Variants in SEL1L2 observed in about 807,000 individuals in gnomAD.
SEL1L2 encodes protein sel-1 homolog 2.
SEL1L2 carries 89 observed loss-of-function variants against 98.8 expected under a neutral mutation model. The ratio of observed to expected loss-of-function variants is 0.90; its 90% CI spans 0.76 to 1.07. The LOEUF is 1.07. Among genes scored for constraint, SEL1L2 ranks in the 50% least tolerant of loss-of-function variants. SEL1L2 has a pLI of 0.00. For synonymous variants in SEL1L2, 262 were observed against 278.5 expected (o/e 0.94, Z 0.59); for missense variants, 788 against 812.0 (o/e 0.97, Z 0.36).
In SEL1L2 at chr20:13,888,467, G is replaced by T; in HGVS notation, c.595C>A (p.Gln199Lys). ...SSYGIGMEYD[Q>K]AKALIYYTFG... ...AACAGAATGATCTTTACCTTAGCTT[G>T]ATCATATTCCATTCCTATTCCATAA... is the stretch of plus-strand genomic sequence containing the variant. Residue 199 changes from glutamine (Q) to lysine (K), a missense_variant, in exon 6 of 20, where the codon CAA becomes AAA. Gln to Lys is a moderately conservative substitution (Grantham distance 53). Coordinates refer to ENST00000284951, the MANE Select transcript of SEL1L2 (RefSeq NM_025229.2). 1.3e-6 allele frequency: 2 copies of T among 1,563,836 alleles called. No individual in the cohort carries two copies. Among genetic ancestry groups the T allele is most frequent in the Non-Finnish European group, 1.7e-6 (2 of 1,142,986 alleles).
chr20:13,881,283 A>T (rs2147944640), intron 10 of SEL1L2, among the ~76,000 whole-genome samples: 1 of 152,276 alleles, frequency 6.6e-6, no homozygotes, highest in African/African-American at 2.4e-5. Context: ...AAGTACTGGG[A>T]TTGCAGGCGT....
intron 5 of SEL1L2, among the ~76,000 whole-genome samples, chr20:13,907,202 TA>T (rs1446439957): frequency 2.6e-5 from 4 of 152,168 alleles, no homozygotes; most frequent in African/African-American, 7.2e-5. Context: ...CTAAGTTAAA[TA>T]TTTTTTTCTG....
intron 11 of SEL1L2, among the ~76,000 whole-genome samples, chr20:13,876,568 C>T (rs1004416723): frequency 1.5e-4 from 23 of 152,244 alleles, no homozygotes; most frequent in African/African-American, 5.3e-4. Context: ...CATGCCTTTC[C>T]AGAGGAACCC....
chr20:13,966,635 G>T (rs1205435966), intron 1 of SEL1L2, among the ~76,000 whole-genome samples: 1 of 151,824 alleles, frequency 6.6e-6, no homozygotes, highest in Non-Finnish European at 1.5e-5. Context: ...ATGATGCTTA[G>T]AAATAGTCAT....
chr20:13,886,647 G>C (rs929294431), intron 8 of SEL1L2, among the ~76,000 whole-genome samples: 8 of 152,114 alleles, frequency 5.3e-5, no homozygotes, highest in African/African-American at 1.9e-4. Context: ...CAGCACTTTG[G>C]GAGGCAGAGG....
rs200962939 is a variant in SEL1L2 at position 13,859,252 on chromosome 20, G to A, written c.1818+10C>T. On this transcript the variant is annotated intron_variant, in intron 18 of 19. Coordinates refer to ENST00000284951, the MANE Select transcript of SEL1L2 (RefSeq NM_025229.2). The stretch of plus-strand genomic sequence containing the variant: ...CATTACTAGGTTTGAATTATTACCA[G>A]CAAAATTACCTTTGTGATGCCTAAG... 3.7e-6 allele frequency: 6 copies of A among 1,612,718 alleles called. No homozygotes were observed. Among genetic ancestry groups the A allele is most frequent in the Admixed American group, 3.3e-5 (2 of 59,942 alleles).
chr20:13,983,669 G>T (rs546811549), intron 1 of SEL1L2, among the ~76,000 whole-genome samples: 37 of 151,842 alleles, frequency 2.4e-4, no homozygotes, highest in Non-Finnish European at 3.8e-4. Context: ...TTACAGGCAT[G>T]CACCACCACG....
At chr20:13,914,060 T>C in intron 4 of SEL1L2, 116 bp from the exon 5 acceptor site, 2 of 876,848 alleles carry the variant, frequency 2.3e-6, no homozygotes, top group Middle Eastern at 2.3e-4. Flanking sequence ...TCATACAGTT[T>C]AGCTGAAGTT....
intron 10 of SEL1L2, among the ~76,000 whole-genome samples, chr20:13,883,122 A>G (rs1568890829): frequency 6.6e-6 from 1 of 152,028 alleles, no homozygotes; most frequent in Non-Finnish European, 1.5e-5. Flanking sequence ...GCCTGGCCTC[A>G]ATTTGTCTTA....
chr20:13,937,501 G>T (rs1873404677), intron 2 of SEL1L2, among the ~76,000 whole-genome samples: 1 of 152,080 alleles, frequency 6.6e-6, no homozygotes, highest in Non-Finnish European at 1.5e-5. Flanking sequence ...ACTCCATCTC[G>T]CTTTGCTGAG....
upstream of SEL1L2, chr20:13,990,663 G>A: frequency 1.0e-5 from 7 of 669,490 alleles, no homozygotes; most frequent in South Asian, 1.3e-4. Context: ...CTTACTCTTG[G>A]GCCAATGGGC....
intron 10 of SEL1L2, among the ~76,000 whole-genome samples, chr20:13,879,832 G>C (rs75642542): frequency 2.9e-4 from 44 of 152,256 alleles, no homozygotes; most frequent in African/African-American, 1.1e-3. Context: ...AAAAATAAAA[G>C]TGTATCTCAT....
intron 5 of SEL1L2, among the ~76,000 whole-genome samples, chr20:13,896,760 A>C (rs1451822546): frequency 6.6e-6 from 1 of 152,204 alleles, no homozygotes. Context: ...AAATGAAAGA[A>C]GATACAAATC....
chr20:13,939,623 G>A lies in SEL1L2; in HGVS notation c.115-7852C>T, dbSNP rs189743009. 2.9e-3 allele frequency among the ~76,000 whole-genome samples: 441 copies of A among 150,696 alleles called. 3 individuals are homozygous for A. The highest frequency in any genetic ancestry group is 9.8e-3 in the African/African-American group (401 of 40,916). On this transcript the variant is annotated intron_variant, in intron 2 of 19. Coordinates refer to ENST00000284951, the MANE Select transcript of SEL1L2 (RefSeq NM_025229.2). ...AGCCTCCACAAATAGTTTTTTGAGC[G>A]GCAACAGGTCTAAAATAGTCATGGA...
intron 1 of SEL1L2, among the ~76,000 whole-genome samples, chr20:13,976,852 T>A (rs978367113): frequency 2.0e-5 from 3 of 152,162 alleles, no homozygotes; most frequent in African/African-American, 7.2e-5. Flanking sequence ...GGTAAAAGAA[T>A]AAGGGAATGA....
intron 2 of SEL1L2, among the ~76,000 whole-genome samples, chr20:13,953,001 T>G (rs2148431128): frequency 6.6e-6 from 1 of 152,254 alleles, no homozygotes; most frequent in South Asian, 2.1e-4. Flanking sequence ...TTTCCTCTCT[T>G]CACTGATAGG....
At chr20:13,981,703 A>G (rs1285075883) in intron 1 of SEL1L2, among the ~76,000 whole-genome samples, 1 of 152,222 alleles carries the variant, frequency 6.6e-6, no homozygotes, top group Non-Finnish European at 1.5e-5. Flanking sequence ...GATCCCTCAC[A>G]TAACACAGTT....
At position 13,851,083 on chromosome 20, in the gene SEL1L2, A is replaced by G. The variant is rs532522168; in HGVS notation, c.1819-764T>C. Among the ~76,000 whole-genome samples the G allele has an allele frequency of 3.3e-5, 5 of 152,236 alleles. No individual in the cohort carries two copies. The South Asian group carries it at 8.3e-4, about 25-fold the overall frequency. ...GAAACCCTGTCCCTACTAAAAATGC[A>G]AAAAGTAGTCAGGTGTGGTGGTGCA... On this transcript the variant is annotated intron_variant, in intron 18 of 19. Coordinates refer to ENST00000284951, the MANE Select transcript of SEL1L2 (RefSeq NM_025229.2).
At chr20:13,864,511 G>A (rs1436103482) in intron 17 of SEL1L2, among the ~76,000 whole-genome samples, 3 of 152,098 alleles carry the variant, frequency 2.0e-5, no homozygotes, top group Non-Finnish European at 4.4e-5. Context: ...AAAATAGTAA[G>A]AGACATCGCA....
Sources: allele counts gnomAD v4.1 joint callset (sites outside exome capture counted in the v4.1 genomes callset), GRCh38; gene constraint gnomAD v4.1.1; transcripts MANE v1.5; gene names NCBI Gene and HGNC (gene_info 2026-07-23, HGNC 2026-07-21).